The following TOPBP1 variants were observed in gnomAD, a reference collection of about 807,000 sequenced individuals.
The protein encoded by TOPBP1 is DNA topoisomerase II binding protein 1.
In TOPBP1, 28 loss-of-function variants were observed where a neutral mutation model predicts 167.7. The observed-to-expected ratio is 0.17, with a 90% confidence interval of 0.12 to 0.23. The LOEUF is 0.23. Among genes scored for constraint, TOPBP1 ranks in the 10% least tolerant of loss-of-function variants. TOPBP1 has a pLI of 1.00. For synonymous variants in TOPBP1, 598 were observed against 611.4 expected (o/e 0.98, Z 0.32); for missense variants, 1,554 against 1,809.6 (o/e 0.86, Z 2.56).
chr3:133,636,056 A>G (rs1321609173), intron 14 of TOPBP1, among the ~76,000 whole-genome samples: 1 of 130,670 alleles, frequency 7.7e-6, no homozygotes, highest in Non-Finnish European at 1.6e-5. Flanking sequence ...TTAAAAGTCA[A>G]AAACAAGCAT....
chr3:133,651,124 G>C (rs1474933762), intron 8 of TOPBP1, among the ~76,000 whole-genome samples: 3 of 100,008 alleles, frequency 3.0e-5, no homozygotes, highest in Non-Finnish European at 6.2e-5. Context: ...CCCACCTTTT[G>C]TAAGTTGGCA....
chr3:133,659,995 A>G (rs936969093), intron 2 of TOPBP1, among the ~76,000 whole-genome samples: 2 of 152,094 alleles, frequency 1.3e-5, no homozygotes, highest in Non-Finnish European at 2.9e-5. Flanking sequence ...AAGGCCCTAC[A>G]TGACCTCTTT....
At chr3:133,615,494 A>C (rs951850986) in intron 23 of TOPBP1, among the ~76,000 whole-genome samples, 2 of 151,846 alleles carry the variant, frequency 1.3e-5, no homozygotes, top group Non-Finnish European at 2.9e-5. Flanking sequence ...AAACAAAAAA[A>C]CCCCACCAAT....
rs577353207 is a variant in TOPBP1, at chr3:133,612,559, C to T, written c.3872-7G>A. The T allele has an allele frequency of 6.2e-7, 1 of 1,605,686 alleles. No homozygotes were observed. Among genetic ancestry groups the T allele is most frequent in the African/African-American group, 1.3e-5 (1 of 74,702 alleles). On this transcript the variant is annotated splice_region_variant and splice_polypyrimidine_tract_variant and intron_variant, in intron 23 of 27. Transcript: ENST00000260810. ...TTTTCTATCACCAATCCACCTTAAGCAGAGAAAAATGGATTGTACTTTATT... is the reference window on the plus strand; with the variant it reads ...TTTTCTATCACCAATCCACCTTAAGTAGAGAAAAATGGATTGTACTTTATT...
At chr3:133,648,828 G>A (rs1277341788) in intron 10 of TOPBP1, among the ~76,000 whole-genome samples, 1 of 151,836 alleles carries the variant, frequency 6.6e-6, no homozygotes, top group African/African-American at 2.4e-5. Context: ...TAAGGTTCTT[G>A]TTTTATTCGA....
At chr3:133,620,368 A>G in intron 19 of TOPBP1, 21 bp from the exon 20 acceptor site, 1 of 1,604,934 alleles carries the variant, frequency 6.2e-7, no homozygotes, top group Non-Finnish European at 8.5e-7. Context: ...ACACAAATAC[A>G]CCATTCAAGG....
chr3:133,634,690 A>C (rs1428355450), intron 14 of TOPBP1, among the ~76,000 whole-genome samples: 2 of 152,218 alleles, frequency 1.3e-5, no homozygotes, highest in Admixed American at 6.5e-5. Flanking sequence ...AAGAAAAAAA[A>C]CTGCAAGCTA....
intron 2 of TOPBP1, 82 bp downstream of exon 2, chr3:133,660,962 C>A: frequency 1.0e-6 from 1 of 985,984 alleles, no homozygotes; most frequent in Non-Finnish European, 1.5e-6. Context: ...ATATCTACTT[C>A]TAAGACATAA....
At chr3:133,617,583 C>A in intron 21 of TOPBP1, 1 of 293,546 alleles carries the variant, frequency 3.4e-6, no homozygotes, top group Non-Finnish European at 6.2e-6. Context: ...GTGGGCTTCT[C>A]CCAACATTTT....
chr3:133,642,533 CA>C (rs1935926922), intron 12 of TOPBP1, among the ~76,000 whole-genome samples: 1 of 152,122 alleles, frequency 6.6e-6, no homozygotes, highest in Non-Finnish European at 1.5e-5. Context: ...CTGCTGTTTG[CA>C]TTTCCTATAA....
chr3:133,627,554 T>C (rs1275676192), intron 16 of TOPBP1, among the ~76,000 whole-genome samples: 1 of 152,216 alleles, frequency 6.6e-6, no homozygotes, highest in Non-Finnish European at 1.5e-5. Context: ...ACTCCTATAT[T>C]TTCCTGTCCT....
intron 27 of TOPBP1, among the ~76,000 whole-genome samples, chr3:133,607,143 T>A (rs1411971305): frequency 6.6e-6 from 1 of 152,170 alleles, no homozygotes; most frequent in Admixed American, 6.5e-5. Flanking sequence ...AGATTGAGTA[T>A]CCCTTATCTG....
In TOPBP1 at chr3:133,620,188, C is replaced by A; in HGVS notation, c.3338G>T (p.Arg1113Leu). Residue 1113 changes from arginine (R) to leucine (L), a missense_variant, in exon 20 of 28, where the codon CGC becomes CTC. Physicochemically the swap from Arg to Leu is moderately radical, Grantham distance 102. Transcript: ENST00000260810. ...CTCTAGGACTCTACTTCGTCCACTG[C>A]GAGCAGAGCGAGTGCTGTCAGGGGT... ...SSTPDSTRSARSGRSRVLEAL... is the reference protein window; with the variant it reads ...SSTPDSTRSALSGRSRVLEAL... 2 of 1,613,714 alleles carry A rather than the reference C, an allele frequency of 1.2e-6. No homozygotes were observed. The highest frequency in any genetic ancestry group is 1.7e-6 in the Non-Finnish European group (2 of 1,179,750).
At chr3:133,630,483 A>G (rs1174439051) in intron 14 of TOPBP1, among the ~76,000 whole-genome samples, 5 of 152,002 alleles carry the variant, frequency 3.3e-5, no homozygotes, top group African/African-American at 1.2e-4. Context: ...TTTTTCATAG[A>G]GACAGGGTCT....
intron 2 of TOPBP1, 120 bp downstream of exon 2, chr3:133,660,924 T>C (rs1936685266): frequency 2.9e-6 from 2 of 696,646 alleles, no homozygotes; most frequent in Non-Finnish European, 4.7e-6. Flanking sequence ...TGTATTAATG[T>C]AGACTATAAA....
intron 14 of TOPBP1, among the ~76,000 whole-genome samples, chr3:133,632,894 T>C (rs1433238404): frequency 6.6e-6 from 1 of 152,204 alleles, no homozygotes; most frequent in Non-Finnish European, 1.5e-5. Context: ...TGCCTCCGCC[T>C]ACCAACTAGC....
At chr3:133,611,881 T>C (rs1267325256) in intron 24 of TOPBP1, among the ~76,000 whole-genome samples, 1 of 152,076 alleles carries the variant, frequency 6.6e-6, no homozygotes, top group African/African-American at 2.4e-5. Context: ...GGACTACAGA[T>C]GGGAACCACC....
Position 133,613,857 on chromosome 3 carries a change from G to A in TOPBP1, c.3872-1305C>T, listed in dbSNP as rs539935111. Among the ~76,000 whole-genome samples, 14 of 149,692 alleles carry A rather than the reference G, an allele frequency of 9.4e-5. No homozygotes were observed. In the South Asian group the frequency reaches 2.7e-3, roughly 29 times the overall value. ...CTGGAGTGCAGGAGTGCAGTGGCGC[G>A]ATCTCGACTCACTGCAACCTCTGCT... On this transcript the variant is annotated intron_variant, in intron 23 of 27. Coordinates refer to ENST00000260810, the MANE Select transcript of TOPBP1 (RefSeq NM_007027.4).
In TOPBP1 at chr3:133,661,086, T is replaced by C; in HGVS notation, c.42A>G (p.Leu14=). The C allele has an allele frequency of 6.2e-7, 1 of 1,601,874 alleles. No individual in the cohort carries two copies. Among genetic ancestry groups the C allele is most frequent in the Non-Finnish European group, 8.5e-7 (1 of 1,175,426 alleles). The change falls in exon 2 of 28, where the codon TTA becomes TTG. Residue 14 remains leucine, a synonymous_variant. Coordinates refer to ENST00000260810, the MANE Select transcript of TOPBP1 (RefSeq NM_007027.4). ...NDKEPFFVKF[L]KSSDNSKCFF... ...AACATTTGGAATTGTCTGAAGACTTTAAAAACTTCACAAAAAACGGTTCTT... is the reference window on the plus strand; with the variant it reads ...AACATTTGGAATTGTCTGAAGACTTCAAAAACTTCACAAAAAACGGTTCTT...
Sources: gnomAD v4.1 joint callset for allele counts (sites outside exome capture counted in the v4.1 genomes callset) on GRCh38, gnomAD v4.1.1 for gene constraint, MANE v1.5 for transcripts, NCBI Gene and HGNC (gene_info 2026-07-23, HGNC 2026-07-21) for gene names.